Variants in FANCL observed in about 807,000 individuals in gnomAD.
FANCL encodes the protein FA complementation group L.
Under a neutral mutation model 59.4 loss-of-function variants are expected in FANCL, and 69 were observed. That is an observed-to-expected ratio of 1.16 (90% confidence interval 0.96 to 1.42). The LOEUF is 1.42. Among genes scored for constraint, FANCL ranks in the 40% most tolerant of loss-of-function variants. FANCL has a pLI of 0.00. For missense variants in FANCL, 519 were observed against 447.2 expected, an observed-to-expected ratio of 1.16 and a Z score of -1.45; for synonymous variants, 180 against 147.1, an observed-to-expected ratio of 1.22 and a Z score of -1.62.
At chr2:58,223,114 A>G (rs2103774679) in intron 4 of FANCL, among the ~76,000 whole-genome samples, 1 of 150,182 alleles carries the variant, frequency 6.7e-6, no homozygotes. Context: ...AACTACTTCA[A>G]TTTCGTTCTG....
intron 5 of FANCL, among the ~76,000 whole-genome samples, chr2:58,217,411 G>A (rs1691949979): frequency 6.7e-6 from 1 of 150,264 alleles, no homozygotes; most frequent in African/African-American, 2.5e-5. Flanking sequence ...TCTGGTGGCT[G>A]CCAGCAAGAA....
At position 58,241,267 on chromosome 2, in the gene FANCL, A is replaced by G. The variant is rs747354131; in HGVS notation, c.47T>C (p.Leu16Pro). 1.9e-6 allele frequency: 3 copies of G among 1,614,266 alleles called. No homozygotes were observed. The highest frequency in any genetic ancestry group is 2.5e-6 in the Non-Finnish European group (3 of 1,180,048). Residue 16 changes from leucine to proline, a missense_variant, in exon 1 of 14, where the codon CTG becomes CCG. Transcript: ENST00000233741. Reference sequence around the variant, plus strand: ...CACGGTTTTCGACCGGTTCTGGGGCAGAAGCAGGGGGCACTGGCGCAACAG... The same window carrying G: ...CACGGTTTTCGACCGGTTCTGGGGCGGAAGCAGGGGGCACTGGCGCAACAG... ...ASLLRQCPLL[L>P]PQNRSKTVYE...
At chr2:58,212,609 A>C (rs912370095) in intron 5 of FANCL, among the ~76,000 whole-genome samples, 1 of 152,234 alleles carries the variant, frequency 6.6e-6, no homozygotes, top group Non-Finnish European at 1.5e-5. Context: ...TCTTAATACC[A>C]AACAGAAAAT....
intron 7 of FANCL, among the ~76,000 whole-genome samples, chr2:58,192,165 G>A (rs1688988270): frequency 6.6e-6 from 1 of 151,816 alleles, no homozygotes; most frequent in African/African-American, 2.4e-5. Context: ...GTTTCTTTGG[G>A]TCTTTAAATT....
rs377144813 is a variant in FANCL at position 58,236,150 on chromosome 2, C to T, written c.97-4038G>A. Among the ~76,000 whole-genome samples the T allele has an allele frequency of 4.6e-5, 7 of 150,948 alleles. No individual in the cohort carries two copies. The South Asian group carries it at 6.3e-4, about 14-fold the overall frequency. ...GATCCAAGAAGCTCCACAGACCTTA[C>T]GGAGGAAAAACATGAAAAAAGCTAC... On this transcript the variant is annotated intron_variant, in intron 1 of 13. Coordinates refer to ENST00000233741, the MANE Select transcript of FANCL (RefSeq NM_018062.4).
chr2:58,235,746 A>G (rs760008652), intron 1 of FANCL, among the ~76,000 whole-genome samples: 1 of 152,136 alleles, frequency 6.6e-6, no homozygotes, highest in African/African-American at 2.4e-5. Context: ...AAAACAATTA[A>G]ATTTCATACG....
At chr2:58,160,707 A>C (rs1312915165) in intron 12 of FANCL, among the ~76,000 whole-genome samples, 4 of 152,024 alleles carry the variant, frequency 2.6e-5, no homozygotes, top group African/African-American at 4.8e-5. Context: ...AAAAGAAATC[A>C]CATGTTCCCT....
At position 58,161,600 on chromosome 2, in the gene FANCL, T is replaced by C. The variant is rs1163349462; in HGVS notation, c.942A>G (p.Gln314=). Residue 314 remains glutamine, a synonymous_variant, in exon 12 of 14, where the codon CAA becomes CAG. Transcript: ENST00000233741. ...TMDCGICYAY[Q]LDGTIPDQVC... is the part of the protein sequence containing the mutation. ...CTTGATCAGGAATGGTACCGTCAAGTTGATAAGCATAACAAATTCCACAAT... is the reference window on the plus strand; with the variant it reads ...CTTGATCAGGAATGGTACCGTCAAGCTGATAAGCATAACAAATTCCACAAT... 6.2e-7 allele frequency: 1 copy of C among 1,611,658 alleles called. No individual in the cohort carries two copies. Among genetic ancestry groups the C allele is most frequent in the East Asian group, 2.2e-5 (1 of 44,742 alleles).
Position 58,222,004 on chromosome 2 carries a change from T to C in FANCL, c.312A>G (p.Leu104=). 1 of 1,613,506 alleles carries C rather than the reference T, an allele frequency of 6.2e-7. No homozygotes were observed. The change falls in exon 5 of 14, where the codon CTA becomes CTG. Residue 104 remains leucine (L), a synonymous_variant. Coordinates refer to ENST00000233741, the MANE Select transcript of FANCL (RefSeq NM_018062.4). The stretch of plus-strand genomic sequence containing the variant: ...TTGAGTAGAACTGGGGAGGAGGAGG[T>C]AGTGCATACAGCTCTTGTCTATTCT... ...ALKNRQELYA[L]PPPPQFYSSL... is the part of the protein sequence containing the mutation.
intron 9 of FANCL, 70 bp from the exon 10 acceptor site, chr2:58,163,144 C>T: frequency 1.5e-6 from 2 of 1,319,052 alleles, no homozygotes; most frequent in Non-Finnish European, 2.2e-6. Context: ...ACATTTGATA[C>T]AGAATGTTTC....
intron 1 of FANCL, among the ~76,000 whole-genome samples, chr2:58,240,154 TAAA>T (rs1694384559): frequency 2.6e-5 from 4 of 151,918 alleles, no homozygotes; most frequent in Admixed American, 2.6e-4. Flanking sequence ...TCAACTTTTC[TAAA>T]TGTTGTCTAC....
intron 7 of FANCL, among the ~76,000 whole-genome samples, chr2:58,177,326 G>A (rs1313834719): frequency 6.6e-6 from 1 of 152,108 alleles, no homozygotes; most frequent in Non-Finnish European, 1.5e-5. Flanking sequence ...AAAGACACAT[G>A]CACATCTATG....
At chr2:58,206,236 A>T (rs1345860441) in intron 5 of FANCL, among the ~76,000 whole-genome samples, 2 of 152,162 alleles carry the variant, frequency 1.3e-5, no homozygotes, top group South Asian at 2.1e-4. Flanking sequence ...AAAAAAGAAA[A>T]GCAAAAGAGA....
chr2:58,195,650 A>G (rs1689355779), intron 7 of FANCL, among the ~76,000 whole-genome samples: 1 of 152,156 alleles, frequency 6.6e-6, no homozygotes, highest in African/African-American at 2.4e-5. Context: ...TTTATATCCC[A>G]TATAACTAAC....
intron 7 of FANCL, among the ~76,000 whole-genome samples, chr2:58,179,875 A>T (rs1259724798): frequency 2.0e-5 from 3 of 152,178 alleles, no homozygotes; most frequent in Admixed American, 1.3e-4. Context: ...ACTTAAATTT[A>T]CAAGAAAAAA....
At chr2:58,190,428 A>C (rs1286801650) in intron 7 of FANCL, among the ~76,000 whole-genome samples, 1 of 151,242 alleles carries the variant, frequency 6.6e-6, no homozygotes, top group African/African-American at 2.4e-5. Context: ...GGTACTTTCA[A>C]TCTTATCCTT....
chr2:58,185,711 C>G (rs962899351), intron 7 of FANCL, among the ~76,000 whole-genome samples: 3 of 152,056 alleles, frequency 2.0e-5, no homozygotes, highest in Non-Finnish European at 4.4e-5. Flanking sequence ...CACTCGAAAA[C>G]TGGGTATCAT....
At chr2:58,228,709 A>G (rs1478928905) in intron 3 of FANCL, among the ~76,000 whole-genome samples, 1 of 152,220 alleles carries the variant, frequency 6.6e-6, no homozygotes, top group Non-Finnish European at 1.5e-5. Flanking sequence ...AGAAAAGAAT[A>G]GTAATATTCA....
chr2:58,180,864 C>A (rs184997403), intron 7 of FANCL, among the ~76,000 whole-genome samples: 1 of 151,648 alleles, frequency 6.6e-6, no homozygotes. Context: ...GAAATCGAAA[C>A]TTTTCAGAAA....
Sources: gnomAD v4.1 joint callset for allele counts (sites outside exome capture counted in the v4.1 genomes callset) on GRCh38, gnomAD v4.1.1 for gene constraint, MANE v1.5 for transcripts, NCBI Gene and HGNC (gene_info 2026-07-23, HGNC 2026-07-21) for gene names.